PHTF2: variants seen among roughly 807,000 people sequenced by gnomAD.
The protein encoded by PHTF2 is putative homeodomain transcription factor 2, also known as protein PHTF2.
PHTF2 carries 60 observed loss-of-function variants against 101.2 expected under a neutral mutation model. The ratio of observed to expected loss-of-function variants is 0.59; its 90% CI spans 0.48 to 0.73. PHTF2 has a LOEUF of 0.73. Ranked by LOEUF, PHTF2 falls within the 30% of genes least tolerant of loss-of-function variation. PHTF2 has a pLI of 0.00. For synonymous variants in PHTF2, 311 were observed against 307.3 expected, an observed-to-expected ratio of 1.01 and a Z score of -0.13; for missense variants, 747 against 908.7, an observed-to-expected ratio of 0.82 and a Z score of 2.29.
intron 16 of PHTF2, among the ~76,000 whole-genome samples, chr7:77,944,585 G>A (rs1208392899): frequency 1.3e-5 from 2 of 152,196 alleles, no homozygotes; most frequent in African/African-American, 4.8e-5. Flanking sequence ...TTGGAGGCAT[G>A]CGACTTCAGC....
chr7:77,910,181 C>G (rs1374346388), intron 8 of PHTF2, 64 bp from the exon 8 acceptor site: 1 of 1,383,730 alleles, frequency 7.2e-7, no homozygotes, highest in African/African-American at 1.4e-5. Flanking sequence ...TTTGATTGTA[C>G]TACTGAGAAA....
At chr7:77,853,261 A>G (rs531981327) in intron 2 of PHTF2, among the ~76,000 whole-genome samples, 1 of 151,410 alleles carries the variant, frequency 6.6e-6, no homozygotes, top group East Asian at 2.0e-4. Context: ...ATTCTTTTTT[A>G]TTCTTTTTTC....
chr7:77,922,816 AT>A, intron 11 of PHTF2, 38 bp downstream of exon 10: 1 of 1,343,490 alleles, frequency 7.4e-7, no homozygotes, highest in Non-Finnish European at 1.0e-6. Context: ...ATACGTATCT[AT>A]TTTATATGTT....
chr7:77,911,434 C>G (rs1056720480), intron 9 of PHTF2, among the ~76,000 whole-genome samples: 2 of 151,106 alleles, frequency 1.3e-5, no homozygotes, highest in African/African-American at 2.4e-5. Flanking sequence ...ATTCAGAACA[C>G]TTAAGGGTTG....
At chr7:77,855,726 T>TC (rs1797123089) in intron 3 of PHTF2, among the ~76,000 whole-genome samples, 1 of 152,124 alleles carries the variant, frequency 6.6e-6, no homozygotes, top group Non-Finnish European at 1.5e-5. Flanking sequence ...CCAGCTGAAT[T>TC]CTGCCCCATG....
intron 7 of PHTF2, chr7:77,907,932 T>G (rs1562937277): frequency 6.6e-6 from 1 of 152,150 alleles, no homozygotes; most frequent in Non-Finnish European, 1.5e-5. Context: ...GCTGTAGACT[T>G]TGGTCTTGCT....
At chr7:77,865,530 CT>C (rs750203835) in intron 3 of PHTF2, among the ~76,000 whole-genome samples, 2 of 152,216 alleles carry the variant, frequency 1.3e-5, no homozygotes, top group Non-Finnish European at 2.9e-5. Flanking sequence ...CAGCCAATCT[CT>C]TTTATAATAT....
intron 16 of PHTF2, among the ~76,000 whole-genome samples, chr7:77,943,281 C>T (rs554481303): frequency 1.3e-3 from 202 of 152,236 alleles, no homozygotes; most frequent in Middle Eastern, 0.01. Context: ...CCACCACACC[C>T]GGCTAATTTA....
intron 16 of PHTF2, among the ~76,000 whole-genome samples, chr7:77,947,872 T>G (rs1212698600): frequency 2.0e-5 from 2 of 100,236 alleles, no homozygotes; most frequent in Non-Finnish European, 4.0e-5. Context: ...GAGTCTTTGC[T>G]CTGTCGGCCA....
At chr7:77,900,449 A>G in intron 5 of PHTF2, among the ~76,000 whole-genome samples, 1 of 152,174 alleles carries the variant, frequency 6.6e-6, no homozygotes, top group Non-Finnish European at 1.5e-5. Flanking sequence ...CTTGGTAGTA[A>G]TAGTATTTGT....
chr7:77,851,939 T>A (rs968690722), intron 2 of PHTF2, among the ~76,000 whole-genome samples: 3 of 152,192 alleles, frequency 2.0e-5, no homozygotes, highest in African/African-American at 4.8e-5. Context: ...AATAATTTTT[T>A]AAATTTTCTT....
chr7:77,937,343 CAACT>C (rs1210267401), intron 12 of PHTF2, among the ~76,000 whole-genome samples: 1 of 152,078 alleles, frequency 6.6e-6, no homozygotes, highest in African/African-American at 2.4e-5. Context: ...TGTAGACTGA[CAACT>C]AAGTACTTTT....
At chr7:77,829,683 A>G (rs915234282) in intron 1 of PHTF2, among the ~76,000 whole-genome samples, 1 of 152,214 alleles carries the variant, frequency 6.6e-6, no homozygotes, top group South Asian at 2.1e-4. Flanking sequence ...GGGCAGAGCA[A>G]CTTTGTTCCC....
At chr7:77,881,568 G>A (rs973620601) in intron 3 of PHTF2, among the ~76,000 whole-genome samples, 33 of 149,574 alleles carry the variant, frequency 2.2e-4, no homozygotes, top group African/African-American at 7.9e-4. Flanking sequence ...ATAGGCTTTC[G>A]CCATGTTGCC....
chr7:77,916,467 T>C (rs566216022), intron 9 of PHTF2, among the ~76,000 whole-genome samples: 2 of 152,272 alleles, frequency 1.3e-5, no homozygotes, highest in African/African-American at 4.8e-5. Context: ...GCAACCACGT[T>C]TTTGACCCTC....
At chr7:77,845,139 T>C (rs1396693859) in intron 2 of PHTF2, among the ~76,000 whole-genome samples, 2 of 152,190 alleles carry the variant, frequency 1.3e-5, no homozygotes, top group Non-Finnish European at 2.9e-5. Context: ...CTTTTGGAAG[T>C]TATTTGAAAT....
chr7:77,932,860 T>C (rs926815397), intron 12 of PHTF2, among the ~76,000 whole-genome samples: 7 of 152,186 alleles, frequency 4.6e-5, no homozygotes, highest in Non-Finnish European at 7.3e-5. Context: ...TTGCATTATC[T>C]CATGTATTTA....
chr7:77,809,725 T>A (rs1046168700), intron 1 of PHTF2, among the ~76,000 whole-genome samples: 3 of 152,248 alleles, frequency 2.0e-5, no homozygotes, highest in Non-Finnish European at 4.4e-5. Context: ...TATTGAATGG[T>A]AATTTAACTT....
intron 3 of PHTF2, among the ~76,000 whole-genome samples, chr7:77,861,712 C>A (rs534098048): frequency 6.6e-6 from 1 of 151,914 alleles, no homozygotes; most frequent in South Asian, 2.1e-4. Context: ...CACTTGAGGC[C>A]GGAAGTTTGA....
Sources: gnomAD v4.1 joint callset for allele counts (sites outside exome capture counted in the v4.1 genomes callset) on GRCh38, gnomAD v4.1.1 for gene constraint, MANE v1.5 for transcripts, NCBI Gene and HGNC (gene_info 2026-07-23, HGNC 2026-07-21) for gene names.